Variants in DMD observed in about 807,000 individuals in gnomAD.
The protein encoded by DMD is dystrophin, also known as mutant dystrophin.
In DMD, 63 loss-of-function variants were observed where a neutral mutation model predicts 330.1. The ratio of observed to expected loss-of-function variants is 0.19; its 90% confidence interval spans 0.16 to 0.24. DMD has a LOEUF of 0.24. Ranked by LOEUF, DMD falls within the 10% of genes least tolerant of loss-of-function variation. The pLI, the probability that DMD is intolerant of heterozygous loss-of-function variation, is 1.00. For missense variants in DMD, 3,344 were observed against 2,684.1 expected, an observed-to-expected ratio of 1.25 and a Z score of -5.43; for synonymous variants, 1,223 against 959.8, an observed-to-expected ratio of 1.27 and a Z score of -5.07.
chrX:32,934,637 G>T (rs968736490), intron 2 of DMD, among the ~76,000 whole-genome samples: 2 of 111,607 alleles, frequency 1.8e-5, no homozygotes, highest in Non-Finnish European at 3.8e-5. Flanking sequence ...ATGCATAAAA[G>T]AATATATGTA....
intron 44 of DMD, among the ~76,000 whole-genome samples, chrX:32,058,302 T>C (rs961307468): frequency 9.1e-6 from 1 of 110,051 alleles, no homozygotes; most frequent in African/African-American, 3.3e-5. Flanking sequence ...AAGCAACCTA[T>C]AGAATGAGAG....
chrX:32,070,242 G>C (rs2096286599), intron 44 of DMD, among the ~76,000 whole-genome samples: 1 of 111,359 alleles, frequency 9.0e-6, no homozygotes, highest in Non-Finnish European at 1.9e-5. Context: ...CAGTTCATCA[G>C]AGGGCTACAA....
At chrX:31,675,441 C>T (rs774411680) in intron 53 of DMD, among the ~76,000 whole-genome samples, 4 of 112,092 alleles carry the variant, frequency 3.6e-5, no homozygotes, top group Admixed American at 2.8e-4. Context: ...TGGCTCACTG[C>T]AACCTCCGCC....
intron 1 of DMD, among the ~76,000 whole-genome samples, chrX:33,220,954 A>C (rs2052163092): frequency 8.9e-6 from 1 of 112,005 alleles, no homozygotes. Flanking sequence ...TCAGTTGGAA[A>C]AAAGGAAACA....
At chrX:31,742,626 G>T (rs935774710) in intron 51 of DMD, among the ~76,000 whole-genome samples, 2 of 111,782 alleles carry the variant, frequency 1.8e-5, no homozygotes, top group African/African-American at 6.5e-5. Flanking sequence ...ATGATGCTGG[G>T]ATGGCTGGTT....
intron 51 of DMD, among the ~76,000 whole-genome samples, chrX:31,737,453 TA>T: frequency 8.9e-6 from 1 of 112,703 alleles, no homozygotes; most frequent in Middle Eastern, 4.6e-3. Context: ...CCTGAAAGGC[TA>T]AGGGGAGGGT....
At chrX:32,457,784 T>A (rs1191117851) in intron 25 of DMD, among the ~76,000 whole-genome samples, 1 of 109,374 alleles carries the variant, frequency 9.1e-6, no homozygotes, top group Admixed American at 9.8e-5. Context: ...ACCCAAAGAG[T>A]ATACTGACCC....
chrX:31,361,770 CTTTTTT>C (rs1174751121), intron 60 of DMD, among the ~76,000 whole-genome samples: 5 of 93,452 alleles, frequency 5.4e-5, no homozygotes, highest in African/African-American at 2.1e-4. Flanking sequence ...CTCTTACCAT[CTTTTTT>C]TTTTTTTTTT....
chrX:31,368,656 T>C lies in DMD; in HGVS notation c.9085-20022A>G, dbSNP rs188679250. Among the ~76,000 whole-genome samples the C allele has an allele frequency of 4.2e-3, 467 of 110,612 alleles. 1 individual carries two copies. Among genetic ancestry groups the C allele is most frequent in the African/African-American group, 0.014 (436 of 30,405 alleles). ...CTTGCACCCAGGTCCCCCCGCCCTT[T>C]TTTTTTTGAGACAGAGTCTTGCTCT... On this transcript the variant is annotated intron_variant, in intron 60 of 78. Transcript: ENST00000357033.
intron 9 of DMD, among the ~76,000 whole-genome samples, chrX:32,683,069 A>T (rs1318836635): frequency 8.9e-6 from 1 of 111,837 alleles, no homozygotes; most frequent in African/African-American, 3.3e-5. Context: ...GGCACTTAAT[A>T]AACATTAAGT....
chrX:31,213,506 T>C (rs1232375808), intron 64 of DMD, among the ~76,000 whole-genome samples: 1 of 111,907 alleles, frequency 8.9e-6, no homozygotes, highest in Non-Finnish European at 1.9e-5. Flanking sequence ...TGTGCTCACA[T>C]CAGTAGCTCT....
intron 47 of DMD, among the ~76,000 whole-genome samples, chrX:31,882,652 A>G (rs1294246565): frequency 8.9e-6 from 1 of 112,140 alleles, no homozygotes; most frequent in Admixed American, 9.5e-5. Flanking sequence ...GTATCCAAAT[A>G]ACTTCTACAT....
At chrX:33,137,488 A>G (rs2095534319) in intron 1 of DMD, among the ~76,000 whole-genome samples, 1 of 112,426 alleles carries the variant, frequency 8.9e-6, no homozygotes, top group Admixed American at 9.5e-5. Flanking sequence ...ACCATCAATT[A>G]TTATTTTAAC....
chrX:31,286,434 G>T (rs767915389), intron 62 of DMD, among the ~76,000 whole-genome samples: 67 of 112,265 alleles, frequency 6.0e-4, no homozygotes, highest in African/African-American at 2.1e-3. Context: ...TAAGACGATA[G>T]GTTAAAAATA....
rs181018356 is a variant in DMD at position 32,420,334 on chromosome X, A to C, written c.4072-8421T>G. The stretch of plus-strand genomic sequence containing the variant: ...CAGCATTGAGACCACATGTTCAAGC[A>C]AAATATAAAGTTTATACATGAGACA... On this transcript the variant is annotated intron_variant, in intron 29 of 78. Coordinates refer to ENST00000357033, the MANE Select transcript of DMD (RefSeq NM_004006.3). Among the ~76,000 whole-genome samples, 572 of 112,446 alleles carry C rather than the reference A, an allele frequency of 5.1e-3. 5 individuals carry two copies. The highest frequency in any genetic ancestry group is 0.018 in the African/African-American group (554 of 31,000).
At chrX:31,786,344 A>G (rs2091296866) in intron 50 of DMD, among the ~76,000 whole-genome samples, 1 of 111,503 alleles carries the variant, frequency 9.0e-6, no homozygotes, top group Non-Finnish European at 1.9e-5. Context: ...TTTATTTTAA[A>G]AGGGAATTCA....
intron 2 of DMD, among the ~76,000 whole-genome samples, chrX:32,958,344 A>C (rs12844353): frequency 0.27 from 29,542 of 110,710 alleles, 3,402 homozygotes; most frequent in African/African-American, 0.44. Context: ...TCACTATTGC[A>C]CATTTTATTT....
At chrX:32,307,222 G>A (rs10482233) in intron 42 of DMD, among the ~76,000 whole-genome samples, 34,785 of 110,230 alleles carry the variant, frequency 0.32, 4,088 homozygotes, top group Admixed American at 0.44. Flanking sequence ...GGGAGCAAGT[G>A]AAATGTATCC....
intron 1 of DMD, among the ~76,000 whole-genome samples, chrX:33,065,696 T>A (rs2094643581): frequency 8.9e-6 from 1 of 112,484 alleles, no homozygotes; most frequent in Non-Finnish European, 1.9e-5. Flanking sequence ...CTTTACTTCT[T>A]GCCAAGCATT....
Sources: allele counts gnomAD v4.1 joint callset (sites outside exome capture counted in the v4.1 genomes callset), GRCh38; gene constraint gnomAD v4.1.1; transcripts MANE v1.5; gene names NCBI Gene and HGNC (gene_info 2026-07-23, HGNC 2026-07-21).